Variants in MTCL1 observed in about 807,000 individuals in gnomAD.
MTCL1 encodes the protein microtubule crosslinking factor 1.
MTCL1 carries 79 observed loss-of-function variants against 141.4 expected under a neutral mutation model. That is an observed-to-expected ratio of 0.56 (90% CI 0.47 to 0.67). The LOEUF (loss-of-function observed/expected upper bound fraction) is 0.67. Among genes scored for constraint, MTCL1 ranks in the 30% least tolerant of loss-of-function variants. The pLI, the probability that MTCL1 is intolerant of heterozygous loss-of-function variation, is 0.00. For synonymous variants in MTCL1, 914 were observed against 875.8 expected, an observed-to-expected ratio of 1.04 and a Z score of -0.77; for missense variants, 2,177 against 2,113.9, an observed-to-expected ratio of 1.03 and a Z score of -0.59.
rs541450483 is a variant in MTCL1 at position 8,720,429 on chromosome 18, G to A, written c.290G>A (p.Arg97Gln). ...GCTGAGGATGAAAACGAAACTCTCC[G>A]ACAGCAGATGATTGAAGTGGAAATA... The change falls in exon 4 of 17, where the codon CGA becomes CAA. Residue 97 changes from arginine to glutamine, a missense_variant. Transcript: ENST00000359865. 2.2e-5 allele frequency: 35 copies of A among 1,614,128 alleles called. No individual in the cohort carries two copies. Among genetic ancestry groups the A allele is most frequent in the East Asian group, 4.5e-5 (2 of 44,878 alleles).
chr18:8,721,788 G>A (rs545855), intron 4 of MTCL1, among the ~76,000 whole-genome samples: 7 of 151,948 alleles, frequency 4.6e-5, no homozygotes, highest in African/African-American at 1.7e-4. Context: ...TCTTTTATCC[G>A]TCCCCTCCTT....
In MTCL1 at chr18:8,773,474, G is replaced by A. The variant is rs556612463; in HGVS notation, c.358-4359G>A. On this transcript the variant is annotated intron_variant, in intron 4 of 16. Transcript: ENST00000359865. ...AAGATACTACTCTTTTGTCTGTCAC[G>A]TGTTAGAAAAATCTTTTTTCCAGTT... 3.3e-5 allele frequency among the ~76,000 whole-genome samples: 5 copies of A among 152,280 alleles called. No individual in the cohort carries two copies. In the South Asian group the frequency reaches 1.0e-3, roughly 32 times the overall value.
At chr18:8,739,857 G>A (rs1487214134) in intron 4 of MTCL1, among the ~76,000 whole-genome samples, 3 of 152,038 alleles carry the variant, frequency 2.0e-5, no homozygotes, top group Non-Finnish European at 4.4e-5. Context: ...TCAGCCTCCC[G>A]AGTAGCTGGG....
At chr18:8,738,997 G>C (rs2096287584) in intron 4 of MTCL1, among the ~76,000 whole-genome samples, 1 of 152,200 alleles carries the variant, frequency 6.6e-6, no homozygotes, top group Admixed American at 6.5e-5. Context: ...CAGGCAATTG[G>C]GGAGGCCAAA....
intron 4 of MTCL1, among the ~76,000 whole-genome samples, chr18:8,752,376 A>G (rs946467931): frequency 2.0e-5 from 3 of 152,242 alleles, no homozygotes; most frequent in African/African-American, 4.8e-5. Flanking sequence ...GTTGAATAGG[A>G]ACTGATAGTT....
chr18:8,726,534 C>A (rs1185616026), intron 4 of MTCL1, among the ~76,000 whole-genome samples: 8 of 76,012 alleles, frequency 1.1e-4, no homozygotes, highest in African/African-American at 4.0e-4. Flanking sequence ...AGAGCGAGTG[C>A]GCATGCGCGC....
intron 5 of MTCL1, among the ~76,000 whole-genome samples, chr18:8,778,747 A>G (rs977480293): frequency 6.6e-6 from 1 of 152,270 alleles, no homozygotes; most frequent in Non-Finnish European, 1.5e-5. Flanking sequence ...TCCATTAATA[A>G]CAGGGAAATT....
At chr18:8,770,650 C>G (rs1325783728) in intron 4 of MTCL1, among the ~76,000 whole-genome samples, 2 of 152,202 alleles carry the variant, frequency 1.3e-5, no homozygotes, top group South Asian at 4.1e-4. Flanking sequence ...TGGGGAGACA[C>G]AAACATTTAG....
In MTCL1 at chr18:8,818,985, G is replaced by A. The variant is rs373772510; in HGVS notation, c.2882G>A (p.Arg961Gln). ...AAGTTGCAGAAAGAGAACAGTCCCCGGAGAGGTGGCAGTTTCCTCTGTGAT... is the reference window on the plus strand; with the variant it reads ...AAGTTGCAGAAAGAGAACAGTCCCCAGAGAGGTGGCAGTTTCCTCTGTGAT... Residue 961 changes from arginine to glutamine, a missense_variant, in exon 13 of 17, where the codon CGG (arginine) becomes CAG (glutamine). Transcript: ENST00000359865. 46 of 1,613,708 alleles carry A rather than the reference G, an allele frequency of 2.9e-5. No individual in the cohort carries two copies. Among genetic ancestry groups the A allele is most frequent in the Admixed American group, 3.3e-5 (2 of 59,996 alleles).
At chr18:8,784,777 T>C (rs1371155172) in exon 6 of MTCL1, 1 of 1,613,740 alleles carries the variant, frequency 6.2e-7, no homozygotes, top group South Asian at 1.1e-5. Flanking sequence ...TCCTCTCCAC[T>C]GTGACTTCCG....
chr18:8,731,403 G>C (rs1226821340), intron 4 of MTCL1, among the ~76,000 whole-genome samples: 1 of 151,710 alleles, frequency 6.6e-6, no homozygotes, highest in South Asian at 2.1e-4. Flanking sequence ...GTGAAACCCC[G>C]TCTGTACTAA....
At chr18:8,784,876 C>T (rs202062467) in intron 6 of MTCL1, 33 bp downstream of exon 5, 67 of 1,517,600 alleles carry the variant, frequency 4.4e-5, no homozygotes, top group Admixed American at 2.2e-4. Flanking sequence ...CTCCCTGCTC[C>T]GCCTTGCTCT....
At chr18:8,737,846 C>G (rs73396426) in intron 4 of MTCL1, among the ~76,000 whole-genome samples, 1,834 of 152,200 alleles carry the variant, frequency 0.012, 38 homozygotes, top group African/African-American at 0.042. Flanking sequence ...ACCCATGACT[C>G]CAGTTGGCCG....
Position 8,781,419 on chromosome 18 carries a change from A to G in MTCL1, c.418-2111A>G, listed in dbSNP as rs1009838628. Among the ~76,000 whole-genome samples the G allele has an allele frequency of 2.2e-4, 34 of 152,094 alleles. 1 individual carries two copies. Among genetic ancestry groups the G allele is most frequent in the East Asian group, 5.8e-4 (3 of 5,182 alleles). ...AGTCACAGGATTGCTTTTTATGTCT[A>G]CCTAACCCAAACCCAACCAAATCCT... On this transcript the variant is annotated intron_variant, in intron 5 of 16. Coordinates refer to ENST00000359865, the Ensembl canonical transcript of MTCL1.
chr18:8,720,587 C>A, intron 4 of MTCL1, 91 bp downstream of exon 3: 1 of 1,322,870 alleles, frequency 7.6e-7, no homozygotes, highest in Non-Finnish European at 1.0e-6. Context: ...TGGTCGAAAG[C>A]TGGGGTTGGC....
intron 11 of MTCL1, among the ~76,000 whole-genome samples, chr18:8,808,364 G>A (rs958417469): frequency 4.6e-5 from 7 of 152,236 alleles, no homozygotes; most frequent in African/African-American, 1.7e-4. Flanking sequence ...AGGAAGGGAG[G>A]TGTAATCTTC....
intron 12 of MTCL1, among the ~76,000 whole-genome samples, chr18:8,813,833 A>AG (rs1034385595): frequency 6.6e-6 from 1 of 152,102 alleles, no homozygotes. Context: ...TTTGGGGAGG[A>AG]GGGGGGTAGT....
chr18:8,769,611 G>T (rs1031094477), intron 4 of MTCL1, among the ~76,000 whole-genome samples: 1 of 152,152 alleles, frequency 6.6e-6, no homozygotes, highest in African/African-American at 2.4e-5. Flanking sequence ...GGAGAAAGTG[G>T]CATTTGCTAG....
At chr18:8,797,765 A>T (rs953866477) in intron 9 of MTCL1, among the ~76,000 whole-genome samples, 1 of 152,224 alleles carries the variant, frequency 6.6e-6, no homozygotes, top group Non-Finnish European at 1.5e-5. Context: ...AAAGCCTAGA[A>T]ATTGTTTTAA....
Sources: allele counts gnomAD v4.1 joint callset (sites outside exome capture counted in the v4.1 genomes callset), GRCh38; gene constraint gnomAD v4.1.1; transcripts MANE v1.5; gene names NCBI Gene and HGNC (gene_info 2026-07-23, HGNC 2026-07-21).